ZZZ3: variants seen among roughly 807,000 people sequenced by gnomAD.
The protein encoded by ZZZ3 is zinc finger ZZ-type containing 3.
A neutral mutation model predicts 95.2 loss-of-function variants in ZZZ3; 22 were observed. The observed-to-expected ratio is 0.23, with a 90% CI of 0.17 to 0.33. The LOEUF (loss-of-function observed/expected upper bound fraction) is 0.33, where lower values mean the gene tolerates loss of function less well. Among genes scored for constraint, ZZZ3 ranks in the 10% least tolerant of loss-of-function variants. The probability of loss-of-function intolerance (pLI) is 1.00; values close to 1 mark genes in which losing one functional copy is unlikely to be tolerated. For missense variants in ZZZ3, 885 were observed against 1,066.5 expected (o/e 0.83, Z 2.37); for synonymous variants, 335 against 358.9 (o/e 0.93, Z 0.75).
chr1:77,659,461 C>T (rs1486640210), intron 1 of ZZZ3, among the ~76,000 whole-genome samples: 1 of 151,808 alleles, frequency 6.6e-6, no homozygotes, highest in African/African-American at 2.4e-5. Flanking sequence ...GTCAGGAGCT[C>T]GAGACCAGCC....
chr1:77,649,325 GA>G (rs1245059001), intron 1 of ZZZ3, among the ~76,000 whole-genome samples: 2 of 146,120 alleles, frequency 1.4e-5, no homozygotes, highest in East Asian at 4.0e-4. Flanking sequence ...GCACATGCCA[GA>G]AAACAGTGAG....
At chr1:77,663,374 T>C (rs1670983647) in intron 1 of ZZZ3, among the ~76,000 whole-genome samples, 1 of 152,188 alleles carries the variant, frequency 6.6e-6, no homozygotes, top group Non-Finnish European at 1.5e-5. Flanking sequence ...GATCTAATTC[T>C]ACCCTGTAGA....
Position 77,581,889 on chromosome 1 carries a change from C to G in ZZZ3, c.1795G>C (p.Gly599Arg), listed in dbSNP as rs2100557920. Residue 599 changes from glycine to arginine, a missense_variant and splice_region_variant, in exon 8 of 15, where the codon GGT becomes CGT. By Grantham distance (125) the Gly-to-Arg change is moderately radical (BLOSUM62 -2). Around this residue, in one of 5 missense-constraint regions of ZZZ3, gnomAD observed 99 missense variants for 119.8 expected, o/e 0.83. Coordinates refer to ENST00000370801, the MANE Select transcript of ZZZ3 (RefSeq NM_015534.6). ...RRVKLVFDKVGLPARPKSPLD... is the reference protein window; with the variant it reads ...RRVKLVFDKVRLPARPKSPLD... The stretch of plus-strand genomic sequence containing the variant: ...GGACTTTTTGGTCTAGCAGGTAAAC[C>G]TACTGAAAAATAAGACCACATACAG... The G allele has an allele frequency of 1.2e-6, 2 of 1,612,646 alleles. No homozygotes were observed. Among genetic ancestry groups the G allele is most frequent in the South Asian group, 2.2e-5 (2 of 90,874 alleles).
At chr1:77,575,948 A>C (rs1175679670) in intron 12 of ZZZ3, 120 bp downstream of exon 12, 2 of 777,892 alleles carry the variant, frequency 2.6e-6, no homozygotes, top group Non-Finnish European at 3.8e-6. Context: ...TTACTTAAAA[A>C]CTATACATTT....
At chr1:77,574,899 A>C (rs1661769917) in intron 12 of ZZZ3, among the ~76,000 whole-genome samples, 1 of 152,152 alleles carries the variant, frequency 6.6e-6, no homozygotes, top group East Asian at 1.9e-4. Flanking sequence ...AAAAACCAGA[A>C]AACAGGCCAG....
chr1:77,576,621 A>G (rs1003395859), intron 11 of ZZZ3, among the ~76,000 whole-genome samples: 1 of 152,222 alleles, frequency 6.6e-6, no homozygotes. Flanking sequence ...GAAAATTTCT[A>G]TAACATTATG....
intron 5 of ZZZ3, among the ~76,000 whole-genome samples, chr1:77,621,348 C>T (rs967454186): frequency 2.7e-5 from 4 of 150,454 alleles, no homozygotes; most frequent in Admixed American, 2.7e-4. Context: ...AAGGCTGAGG[C>T]GGGAGGATCA....
At chr1:77,625,944 C>A (rs1237382506) in intron 5 of ZZZ3, among the ~76,000 whole-genome samples, 1 of 151,688 alleles carries the variant, frequency 6.6e-6, no homozygotes, top group Non-Finnish European at 1.5e-5. Flanking sequence ...TTGCAGTGAG[C>A]TGAGATGGCA....
At chr1:77,581,111 C>T (rs1662473358) in intron 8 of ZZZ3, 42 bp from the exon 9 acceptor site, 1 of 1,502,076 alleles carries the variant, frequency 6.7e-7, no homozygotes, top group Non-Finnish European at 9.3e-7. Flanking sequence ...AAAATAACAA[C>T]ACCTATCCTT....
At chr1:77,654,151 G>A (rs1570619351) in intron 1 of ZZZ3, among the ~76,000 whole-genome samples, 1 of 135,962 alleles carries the variant, frequency 7.4e-6, no homozygotes, top group African/African-American at 2.8e-5. Flanking sequence ...TGGCGCCACT[G>A]CACTCCAGCC....
At chr1:77,682,882 A>C (rs931642024), upstream of ZZZ3, among the ~76,000 whole-genome samples, 6 of 152,144 alleles carry the variant, frequency 3.9e-5, no homozygotes, top group Non-Finnish European at 7.4e-5. Flanking sequence ...AAATCTTAAA[A>C]ACCTCCGATT....
At chr1:77,588,973 G>A (rs1352386076) in intron 5 of ZZZ3, among the ~76,000 whole-genome samples, 2 of 152,114 alleles carry the variant, frequency 1.3e-5, no homozygotes, top group African/African-American at 4.8e-5. Flanking sequence ...TCTACCTCTC[G>A]AGCTCAAGCA....
intron 5 of ZZZ3, among the ~76,000 whole-genome samples, chr1:77,585,682 TAG>T (rs1328232617): frequency 1.3e-5 from 2 of 152,224 alleles, no homozygotes; most frequent in Non-Finnish European, 2.9e-5. Flanking sequence ...TTTGTTTAGC[TAG>T]TATGCAACAT....
rs114957875 is a variant in ZZZ3 at position 77,589,718 on chromosome 1, C to T, written c.1506-5063G>A. ...CAAACACTCCTCCCGCCACAGCCTC[C>T]GAAAGTGCTAGGATTATAGGCATGA... On this transcript the variant is annotated intron_variant, in intron 5 of 14. Transcript: ENST00000370801. 3.3e-3 allele frequency among the ~76,000 whole-genome samples: 500 copies of T among 152,028 alleles called. 1 individual carries two copies. Among genetic ancestry groups the T allele is most frequent in the Middle Eastern group, 6.8e-3 (2 of 294 alleles).
rs909534469 is a variant in ZZZ3, at chr1:77,562,968, G to A, written c.*2672C>T. The A allele has an allele frequency of 1.3e-5, 2 of 152,158 alleles. No homozygotes were observed. The highest frequency in any genetic ancestry group is 4.1e-4 in the South Asian group (2 of 4,824). The allele number at this position is 152,158 out of a possible 1,614,324, so 9.4% of individuals were successfully genotyped here. A position where few individuals can be genotyped will look rare whatever the true frequency, so the allele number is the denominator to read the frequency against. On this transcript the variant is annotated 3_prime_UTR_variant, in exon 15 of 15. Coordinates refer to ENST00000370801, the MANE Select transcript of ZZZ3 (RefSeq NM_015534.6). Reference sequence around the variant, plus strand: ...GCAGGTTAATTAACTTCTCTCTGGCGAGATTTCCTCATATGACAACAGGAT... The same window carrying A: ...GCAGGTTAATTAACTTCTCTCTGGCAAGATTTCCTCATATGACAACAGGAT...
At chr1:77,601,869 C>A (rs186468020) in intron 5 of ZZZ3, among the ~76,000 whole-genome samples, 28 of 152,224 alleles carry the variant, frequency 1.8e-4, no homozygotes, top group Admixed American at 1.6e-3. Context: ...TTTGAACCCA[C>A]CTAAGCCTGA....
At chr1:77,589,200 T>G (rs1557703609) in intron 5 of ZZZ3, among the ~76,000 whole-genome samples, 1 of 152,140 alleles carries the variant, frequency 6.6e-6, no homozygotes, top group Non-Finnish European at 1.5e-5. Flanking sequence ...CTTTTACATC[T>G]CAAACAGAAA....
intron 12 of ZZZ3, among the ~76,000 whole-genome samples, chr1:77,572,343 T>C (rs766157797): frequency 1.7e-4 from 26 of 152,214 alleles, no homozygotes; most frequent in Admixed American, 7.2e-4. Context: ...TTTTTTTGTT[T>C]TGTTTTGTTT....
At chr1:77,670,553 C>T (rs189839408) in intron 1 of ZZZ3, among the ~76,000 whole-genome samples, 1 of 152,238 alleles carries the variant, frequency 6.6e-6, no homozygotes, top group Non-Finnish European at 1.5e-5. Context: ...TGAGCCACTG[C>T]ACCTGGCCTA....
Sources: gnomAD v4.1 joint callset for allele counts (sites outside exome capture counted in the v4.1 genomes callset) on GRCh38, gnomAD v4.1.1 for gene constraint, gnomAD v4.1.1 regional missense constraint, MANE v1.5 for transcripts, NCBI Gene and HGNC (gene_info 2026-07-23, HGNC 2026-07-21) for gene names.